The following TNRC6C variants were observed in gnomAD, a reference collection of about 807,000 sequenced individuals.
The protein encoded by TNRC6C is trinucleotide repeat containing adaptor 6C.
A neutral mutation model predicts 153.7 loss-of-function variants in TNRC6C; 20 were observed. The observed-to-expected ratio is 0.13, with a 90% CI of 0.09 to 0.19. The LOEUF (loss-of-function observed/expected upper bound fraction) is 0.19. TNRC6C is among the 10% of genes least tolerant of loss of function. The pLI, the probability that TNRC6C is intolerant of heterozygous loss-of-function variation, is 1.00. For missense variants in TNRC6C, 1,987 were observed against 2,172.0 expected (o/e 0.91, Z 1.69); for synonymous variants, 811 against 841.4 (o/e 0.96, Z 0.63).
exon 11 of TNRC6C, chr17:78,083,077 A>G: frequency 1.9e-6 from 3 of 1,614,004 alleles, no homozygotes; most frequent in Non-Finnish European, 2.5e-6. Flanking sequence ...GTTTGCAGCA[A>G]AAAACATTGG....
chr17:78,027,480 A>G (rs1598706180), intron 1 of TNRC6C, among the ~76,000 whole-genome samples: 1 of 152,186 alleles, frequency 6.6e-6, no homozygotes, highest in African/African-American at 2.4e-5. Context: ...GTTCCATCAT[A>G]TGGAAACTCT....
At chr17:78,065,641 C>T (rs1463603113) in intron 4 of TNRC6C, among the ~76,000 whole-genome samples, 9 of 152,178 alleles carry the variant, frequency 5.9e-5, no homozygotes, top group Non-Finnish European at 1.0e-4. Flanking sequence ...TGTATTACCT[C>T]ACAGCAGCCT....
intron 1 of TNRC6C, among the ~76,000 whole-genome samples, chr17:77,976,393 T>G (rs1012460752): frequency 3.3e-5 from 5 of 152,240 alleles, no homozygotes; most frequent in African/African-American, 4.8e-5. Context: ...GAGATTGAAT[T>G]CATATTCTTT....
upstream of TNRC6C, among the ~76,000 whole-genome samples, chr17:78,003,860 C>T (rs978510422): frequency 3.9e-5 from 6 of 152,134 alleles, no homozygotes; most frequent in Non-Finnish European, 7.4e-5. Flanking sequence ...CCCAGGTATT[C>T]GAGACCAGAC....
chr17:78,103,548 G>A, exon 19 of TNRC6C: 1 of 1,613,958 alleles, frequency 6.2e-7, no homozygotes, highest in Non-Finnish European at 8.5e-7. Context: ...AGAAGTCTCT[G>A]CACATGTATG....
At chr17:78,057,442 A>G (rs943504123) in intron 3 of TNRC6C, among the ~76,000 whole-genome samples, 3 of 152,226 alleles carry the variant, frequency 2.0e-5, no homozygotes, top group African/African-American at 7.2e-5. Context: ...CATAGAGGTG[A>G]CAGCATGCAG....
chr17:77,984,860 G>C (rs1187892155), intron 1 of TNRC6C, among the ~76,000 whole-genome samples: 1 of 152,032 alleles, frequency 6.6e-6, no homozygotes, highest in Non-Finnish European at 1.5e-5. Flanking sequence ...TTTTAGCTTG[G>C]AGCTATTATA....
chr17:78,090,069 T>C (rs961874130), intron 13 of TNRC6C, among the ~76,000 whole-genome samples: 16 of 152,168 alleles, frequency 1.1e-4, no homozygotes, highest in African/African-American at 3.9e-4. Flanking sequence ...CAGCAGAGAT[T>C]GCAAGTAGGC....
At position 78,102,805 on chromosome 17, in the gene TNRC6C, G is replaced by T. The variant is rs1033972196; in HGVS notation, c.4572+261G>T. Reference sequence around the variant, plus strand: ...ACCAGAGGCTGGAAAAGTGTGCTCTGTAAATAGAATTGTTTATTTTACAAC... The same window carrying T: ...ACCAGAGGCTGGAAAAGTGTGCTCTTTAAATAGAATTGTTTATTTTACAAC... On this transcript the variant is annotated intron_variant, in intron 18 of 19. Coordinates refer to ENST00000301624, the Ensembl canonical transcript of TNRC6C. The T allele has an allele frequency of 2.1e-4, 100 of 473,992 alleles. No homozygotes were observed. In the East Asian group the frequency reaches 3.7e-3, roughly 18 times the overall value. The allele number at this position is 473,992 out of a possible 1,614,324, so 29.4% of individuals were successfully genotyped here. A position where few individuals can be genotyped will look rare whatever the true frequency, so the allele number is the denominator to read the frequency against.
chr17:78,050,273 G>T lies in TNRC6C; in HGVS notation c.1211G>T (p.Gly404Val). The T allele has an allele frequency of 3.2e-6, 5 of 1,547,264 alleles. No individual in the cohort carries two copies. The South Asian group carries it at 6.4e-5, about 20-fold the overall frequency. ...AGTGAAGGAAGTAGTGATGGTTCTG[G>T]CAACCACAATGAAGGAAGCACTGGG... The change falls in exon 3 of 20, where the codon GGC becomes GTC. Residue 404 changes from glycine (G) to valine (V), a missense_variant. This residue lies in a region of TNRC6C where 1,052 missense variants were observed against 1,017.0 expected (regional missense o/e 1.03). Coordinates refer to ENST00000301624, the Ensembl canonical transcript of TNRC6C.
At position 78,060,307 on chromosome 17, in the gene TNRC6C, A is replaced by G. The variant is rs532556509; in HGVS notation, c.2396-4415A>G. On this transcript the variant is annotated intron_variant, in intron 3 of 19. Transcript: ENST00000301624. ...ATTCTGCTCTGTTCCTCCATAAGCA[A>G]GTACCCAACCAGCCATCATAGTAAA... Among the ~76,000 whole-genome samples, 13 of 152,258 alleles carry G rather than the reference A, an allele frequency of 8.5e-5. No individual in the cohort carries two copies. The East Asian group carries it at 2.3e-3, about 27-fold the overall frequency.
At chr17:77,969,996 G>T (rs2070928279) in intron 1 of TNRC6C, among the ~76,000 whole-genome samples, 1 of 152,200 alleles carries the variant, frequency 6.6e-6, no homozygotes, top group South Asian at 2.1e-4. Context: ...AGCAGCATAT[G>T]AATGGATGAT....
chr17:77,976,810 T>C (rs1364270468), intron 1 of TNRC6C, among the ~76,000 whole-genome samples: 1 of 151,776 alleles, frequency 6.6e-6, no homozygotes, highest in South Asian at 2.1e-4. Context: ...GTGCTTATAA[T>C]CCCAGCTATT....
exon 20 of TNRC6C, chr17:78,107,553 C>G (rs1248396886): frequency 6.6e-6 from 1 of 152,276 alleles, no homozygotes; most frequent in Non-Finnish European, 1.5e-5. Context: ...TGCGTTCCCT[C>G]TGTAATTTCC....
Position 78,048,797 on chromosome 17 carries a change from A to G in TNRC6C, c.-218-48A>G, listed in dbSNP as rs1048083381. On this transcript the variant is annotated intron_variant, in intron 2 of 19. Coordinates refer to ENST00000301624, the Ensembl canonical transcript of TNRC6C. The stretch of plus-strand genomic sequence containing the variant: ...AGACTAGTTAACAGTTGATTCATTG[A>G]CAAATGAGTAGAAAATCTAATTTTG... The G allele has an allele frequency of 2.0e-5, 25 of 1,231,664 alleles. No homozygotes were observed. In the East Asian group the frequency reaches 6.6e-4, roughly 33 times the overall value. 76.3% of individuals were successfully genotyped at this position (1,231,664 alleles called of 1,614,324 possible). A position where few individuals can be genotyped will look rare whatever the true frequency, so the allele number is the denominator to read the frequency against.
chr17:78,077,078 G>T (rs1016073960), intron 8 of TNRC6C, 107 bp from the exon 11 acceptor site: 44 of 1,290,682 alleles, frequency 3.4e-5, no homozygotes, highest in Admixed American at 2.6e-4. Context: ...TTTTTGATCT[G>T]TTAATTATTT....
At chr17:78,046,539 G>T (rs1025726165) in intron 2 of TNRC6C, among the ~76,000 whole-genome samples, 2 of 152,102 alleles carry the variant, frequency 1.3e-5, no homozygotes, top group East Asian at 3.9e-4. Context: ...CCTGTGGCTT[G>T]TTTTTTTAGC....
At chr17:78,045,783 G>A (rs2050761751) in intron 2 of TNRC6C, among the ~76,000 whole-genome samples, 1 of 152,066 alleles carries the variant, frequency 6.6e-6, no homozygotes, top group African/African-American at 2.4e-5. Flanking sequence ...CGCCTGATTT[G>A]TATCACATTT....
At chr17:78,034,910 A>G (rs1012068541) in intron 2 of TNRC6C, among the ~76,000 whole-genome samples, 6 of 152,134 alleles carry the variant, frequency 3.9e-5, no homozygotes, top group Admixed American at 1.3e-4. Flanking sequence ...TGGAGGATGC[A>G]GTGAGCCAAG....
Sources: allele counts gnomAD v4.1 joint callset (sites outside exome capture counted in the v4.1 genomes callset), GRCh38; gene constraint gnomAD v4.1.1; regional missense constraint gnomAD v4.1.1; transcripts MANE v1.5; gene names NCBI Gene and HGNC (gene_info 2026-07-23, HGNC 2026-07-21).